Variants in CTNNA3 observed in about 807,000 individuals in gnomAD.
CTNNA3 encodes catenin alpha-3.
Under a neutral mutation model 95.7 loss-of-function variants are expected in CTNNA3, and 76 were observed. The ratio of observed to expected loss-of-function variants is 0.79; its 90% CI spans 0.66 to 0.96. The LOEUF (loss-of-function observed/expected upper bound fraction) is 0.96, where lower values mean the gene tolerates loss of function less well. CTNNA3 is among the 40% of genes least tolerant of loss of function. The probability of loss-of-function intolerance (pLI) is 0.00; values close to 1 mark genes in which losing one functional copy is unlikely to be tolerated. For missense variants in CTNNA3, 1,191 were observed against 1,089.8 expected, an observed-to-expected ratio of 1.09 and a Z score of -1.31; for synonymous variants, 431 against 374.4, an observed-to-expected ratio of 1.15 and a Z score of -1.74.
chr10:66,435,101 AT>A (rs927219957), intron 11 of CTNNA3, among the ~76,000 whole-genome samples: 6 of 151,740 alleles, frequency 4.0e-5, no homozygotes, highest in Admixed American at 2.6e-4. Context: ...TTGGCCTGAA[AT>A]TTTCTTTTTT....
At chr10:67,604,829 C>T (rs541955180) in intron 3 of CTNNA3, among the ~76,000 whole-genome samples, 3 of 152,292 alleles carry the variant, frequency 2.0e-5, no homozygotes, top group African/African-American at 7.2e-5. Flanking sequence ...GAGAGGGTCT[C>T]AGTTGGTAGG....
rs556363694 is a variant in CTNNA3 at position 65,916,604 on chromosome 10, T to A, written c.*3726A>T. The A allele has an allele frequency of 3.9e-5, 6 of 152,178 alleles. No individual in the cohort carries two copies. Among genetic ancestry groups the A allele is most frequent in the Non-Finnish European group, 8.8e-5 (6 of 68,020 alleles). 9.4% of individuals were successfully genotyped at this position (152,178 alleles called of 1,614,324 possible). ...TTGGGGAATAGAAAGACTAAAGGAA[T>A]AATGTTGCTGGAAATTAAAATTCAT... On this transcript the variant is annotated 3_prime_UTR_variant, in exon 18 of 18. Coordinates refer to ENST00000433211, the MANE Select transcript of CTNNA3 (RefSeq NM_013266.4).
chr10:66,683,181 G>A (rs1356324838), intron 9 of CTNNA3, among the ~76,000 whole-genome samples: 1 of 152,158 alleles, frequency 6.6e-6, no homozygotes, highest in Non-Finnish European at 1.5e-5. Flanking sequence ...TCAAGTATTA[G>A]ACTGTCAAAT....
At chr10:67,123,477 A>C (rs1157809891) in intron 7 of CTNNA3, among the ~76,000 whole-genome samples, 2 of 152,134 alleles carry the variant, frequency 1.3e-5, no homozygotes, top group African/African-American at 4.8e-5. Flanking sequence ...ACCATTATTT[A>C]ATTTTATTTT....
chr10:66,961,525 A>G (rs1022959480), intron 7 of CTNNA3, among the ~76,000 whole-genome samples: 2 of 151,878 alleles, frequency 1.3e-5, no homozygotes, highest in African/African-American at 4.8e-5. Context: ...ATTTCATCTT[A>G]CCAACCTCTT....
intron 12 of CTNNA3, among the ~76,000 whole-genome samples, chr10:66,287,727 T>G (rs1293447303): frequency 6.6e-6 from 1 of 152,118 alleles, no homozygotes; most frequent in African/African-American, 2.4e-5. Context: ...AACTTGAAAT[T>G]CAATATCCAA....
intron 10 of CTNNA3, among the ~76,000 whole-genome samples, chr10:66,597,507 C>CATATATAT (rs1364695697): frequency 5.0e-5 from 4 of 79,612 alleles, no homozygotes; most frequent in African/African-American, 1.5e-4. Context: ...CATTTTATTT[C>CATATATAT]ATACATATAT....
chr10:67,584,488 G>A (rs1842546770), intron 3 of CTNNA3, among the ~76,000 whole-genome samples: 1 of 152,200 alleles, frequency 6.6e-6, no homozygotes, highest in Admixed American at 6.5e-5. Context: ...CCTGGGAGGT[G>A]TCTCCCAGTT....
chr10:67,367,253 C>T (rs937188898), intron 5 of CTNNA3, among the ~76,000 whole-genome samples: 3 of 151,898 alleles, frequency 2.0e-5, no homozygotes, highest in African/African-American at 7.3e-5. Context: ...AACAAATAAC[C>T]CCATTAAAAA....
rs114888108 is a variant in CTNNA3, at chr10:67,644,557, A to T, written c.99+2858T>A. 6.6e-3 allele frequency among the ~76,000 whole-genome samples: 1,011 copies of T among 152,160 alleles called. 15 individuals are homozygous for T. The highest frequency in any genetic ancestry group is 0.023 in the African/African-American group (953 of 41,552). On this transcript the variant is annotated intron_variant, in intron 2 of 17. Coordinates refer to ENST00000433211, the MANE Select transcript of CTNNA3 (RefSeq NM_013266.4). ...TATTTGTGTTGGTGGGTTATACATGATCAAAGTGACAGATACAAGAAGGCT... is the reference window on the plus strand; with the variant it reads ...TATTTGTGTTGGTGGGTTATACATGTTCAAAGTGACAGATACAAGAAGGCT...
intron 5 of CTNNA3, among the ~76,000 whole-genome samples, chr10:67,259,001 C>T (rs572236132): frequency 6.6e-6 from 1 of 152,234 alleles, no homozygotes; most frequent in Non-Finnish European, 1.5e-5. Context: ...AATGTAACTA[C>T]TATGTAAATA....
intron 13 of CTNNA3, among the ~76,000 whole-genome samples, chr10:66,165,904 A>T (rs1451805613): frequency 6.6e-6 from 1 of 151,862 alleles, no homozygotes; most frequent in Non-Finnish European, 1.5e-5. Flanking sequence ...AGTAGCTGGG[A>T]TTACAGGCAC....
intron 7 of CTNNA3, among the ~76,000 whole-genome samples, chr10:67,034,799 C>A (rs1853942056): frequency 1.3e-5 from 2 of 152,184 alleles, no homozygotes; most frequent in Non-Finnish European, 2.9e-5. Context: ...GACCCCCAAC[C>A]TACCATATCA....
chr10:66,653,225 C>T (rs1456415451), intron 9 of CTNNA3, among the ~76,000 whole-genome samples: 1 of 152,006 alleles, frequency 6.6e-6, no homozygotes, highest in African/African-American at 2.4e-5. Context: ...AATTAGTGAC[C>T]TCACTAAACT....
chr10:66,849,317 G>A (rs1843394915), intron 7 of CTNNA3, among the ~76,000 whole-genome samples: 1 of 152,120 alleles, frequency 6.6e-6, no homozygotes, highest in South Asian at 2.1e-4. Flanking sequence ...TAAAATTGTA[G>A]CAAATCCTAT....
At position 66,656,720 on chromosome 10, in the gene CTNNA3, T is replaced by C. The variant is rs866117537; in HGVS notation, c.1282-34936A>G. On this transcript the variant is annotated intron_variant, in intron 9 of 17. Transcript: ENST00000433211. ...ATATTTGGATATAACAGATAAGACA[T>C]AATGCTTTGCCAGGACTGCTAGACC... Among the ~76,000 whole-genome samples the C allele has an allele frequency of 1.2e-4, 18 of 152,184 alleles. No homozygotes were observed. In the South Asian group the frequency reaches 1.5e-3, roughly 12 times the overall value.
At chr10:67,468,642 C>T (rs996839734) in intron 5 of CTNNA3, among the ~76,000 whole-genome samples, 2 of 152,102 alleles carry the variant, frequency 1.3e-5, no homozygotes. Flanking sequence ...TGATATATGC[C>T]GTTTTCTGCT....
At chr10:67,165,361 A>G (rs2132099698) in intron 7 of CTNNA3, among the ~76,000 whole-genome samples, 1 of 152,136 alleles carries the variant, frequency 6.6e-6, no homozygotes, top group East Asian at 1.9e-4. Context: ...GGGCAGGGGC[A>G]GGTGGTAGGG....
chr10:67,406,288 C>G (rs573548184), intron 5 of CTNNA3, among the ~76,000 whole-genome samples: 2 of 152,182 alleles, frequency 1.3e-5, no homozygotes, highest in South Asian at 4.2e-4. Context: ...AATTAATACC[C>G]CACAAAATTA....
Sources: allele counts gnomAD v4.1 joint callset (sites outside exome capture counted in the v4.1 genomes callset), GRCh38; gene constraint gnomAD v4.1.1; transcripts MANE v1.5; gene names NCBI Gene and HGNC (gene_info 2026-07-23, HGNC 2026-07-21).